KIDINS220: variants seen among roughly 807,000 people sequenced by gnomAD.
The protein encoded by KIDINS220 is kinase D-interacting substrate of 220 kDa.
In KIDINS220, 63 loss-of-function variants were observed where a neutral mutation model predicts 157.6. The ratio of observed to expected loss-of-function variants is 0.40; its 90% confidence interval spans 0.33 to 0.49. KIDINS220 has a LOEUF of 0.49. Ranked by LOEUF, KIDINS220 falls within the 20% of genes least tolerant of loss-of-function variation. KIDINS220 has a pLI of 0.66. For missense variants in KIDINS220, 1,772 were observed against 2,171.2 expected (o/e 0.82, Z 3.65); for synonymous variants, 732 against 783.6 (o/e 0.93, Z 1.10).
chr2:8,739,485 A>G (rs980392007), intron 26 of KIDINS220, among the ~76,000 whole-genome samples: 1 of 152,198 alleles, frequency 6.6e-6, no homozygotes, highest in African/African-American at 2.4e-5. Flanking sequence ...ACATAAGAAA[A>G]TTATTTTGAA....
At chr2:8,775,294 T>C (rs1670813503) in intron 21 of KIDINS220, among the ~76,000 whole-genome samples, 1 of 152,140 alleles carries the variant, frequency 6.6e-6, no homozygotes, top group Non-Finnish European at 1.5e-5. Context: ...GTCACTGGCA[T>C]ATAGATGGCA....
intron 6 of KIDINS220, among the ~76,000 whole-genome samples, chr2:8,811,726 A>G (rs1337312649): frequency 6.6e-6 from 1 of 152,132 alleles, no homozygotes; most frequent in Admixed American, 6.5e-5. Flanking sequence ...AGAAAAAAAG[A>G]TAATTAGGTA....
At chr2:8,770,299 G>C (rs977860514) in intron 22 of KIDINS220, among the ~76,000 whole-genome samples, 2 of 152,132 alleles carry the variant, frequency 1.3e-5, no homozygotes, top group African/African-American at 4.8e-5. Context: ...CTAGCTACTT[G>C]GGAGGCTGAG....
intron 26 of KIDINS220, among the ~76,000 whole-genome samples, chr2:8,746,000 T>C (rs1196044871): frequency 6.6e-6 from 1 of 152,094 alleles, no homozygotes; most frequent in Non-Finnish European, 1.5e-5. Context: ...GTTCTTTTTT[T>C]TTTTTTTGAG....
chr2:8,811,753 T>C (rs1421154715), intron 6 of KIDINS220, among the ~76,000 whole-genome samples: 7 of 151,756 alleles, frequency 4.6e-5, no homozygotes, highest in South Asian at 2.1e-4. Context: ...TATGCAATGA[T>C]TGAGGTAAGT....
In KIDINS220 at chr2:8,786,205, C is replaced by T; in HGVS notation, c.1939+1G>A. On this transcript the variant is annotated splice_donor_variant, in intron 16 of 29. Coordinates refer to ENST00000256707, the MANE Select transcript of KIDINS220 (RefSeq NM_020738.4). LOFTEE classifies it high-confidence loss of function. ...CAAAGAAGGAAGGAAGGAAATCCTA[C>T]CCTGAGTATCTTCAGTCTTGAATAC... is the stretch of plus-strand genomic sequence containing the variant. 1.2e-6 allele frequency: 2 copies of T among 1,614,026 alleles called. No homozygotes were observed. Among genetic ancestry groups the T allele is most frequent in the South Asian group, 2.2e-5 (2 of 91,072 alleles).
At position 8,750,293 on chromosome 2, in the gene KIDINS220, G is replaced by A. The variant is rs753644163; in HGVS notation, c.3233C>T (p.Ala1078Val). The part of the protein sequence containing the change: ...AREQISIGGL[A>V]YPPLPLHEGP... The stretch of plus-strand genomic sequence containing the variant: ...CTCATGTAGAGGGAGCGGGGGGTAC[G>A]CCAGTCCTCCAATACTGATCTGCTC... The change falls in exon 24 of 30, where the codon GCG becomes GTG. Residue 1078 changes from alanine (A) to valine (V), a missense_variant. Ala to Val is a moderately conservative substitution (Grantham distance 64). Around this residue, in one of 3 missense-constraint regions of KIDINS220, gnomAD observed 793 missense variants for 885.5 expected, o/e 0.90. Transcript: ENST00000256707. 5.8e-5 allele frequency: 94 copies of A among 1,612,164 alleles called. No homozygotes were observed. The highest frequency in any genetic ancestry group is 7.5e-5 in the Non-Finnish European group (89 of 1,179,184).
intron 13 of KIDINS220, 133 bp from the exon 14 acceptor site, chr2:8,790,192 G>T: frequency 1.3e-6 from 1 of 749,740 alleles, no homozygotes; most frequent in Non-Finnish European, 2.1e-6. Context: ...ATGGAATACT[G>T]CCACTTAACC....
At chr2:8,824,573 G>A (rs1678466959) in intron 2 of KIDINS220, among the ~76,000 whole-genome samples, 1 of 152,040 alleles carries the variant, frequency 6.6e-6, no homozygotes, top group South Asian at 2.1e-4. Flanking sequence ...CTAGCTACTT[G>A]GAGGGCTGAA....
chr2:8,740,021 G>C, intron 26 of KIDINS220: 1 of 176,328 alleles, frequency 5.7e-6, no homozygotes, highest in Non-Finnish European at 1.1e-5. Context: ...GCCATGCAAT[G>C]GCTGGAAGCA....
chr2:8,802,726 A>G (rs933506636), intron 8 of KIDINS220, among the ~76,000 whole-genome samples: 1 of 152,146 alleles, frequency 6.6e-6, no homozygotes, highest in Non-Finnish European at 1.5e-5. Flanking sequence ...GACATTTTCA[A>G]TAACAACATT....
chr2:8,762,441 A>G (rs1299225336), intron 22 of KIDINS220, among the ~76,000 whole-genome samples: 1 of 152,236 alleles, frequency 6.6e-6, no homozygotes, highest in African/African-American at 2.4e-5. Context: ...AATCAAAAGT[A>G]AAAGAAAACC....
At chr2:8,722,588 A>G (rs970632319), downstream of KIDINS220, 17 of 152,324 alleles carry the variant, frequency 1.1e-4, no homozygotes, top group African/African-American at 3.8e-4. Flanking sequence ...AACCTAAAAA[A>G]CAGATAGCAA....
chr2:8,753,069 A>C (rs1210027224), intron 22 of KIDINS220, among the ~76,000 whole-genome samples: 2 of 152,224 alleles, frequency 1.3e-5, no homozygotes, highest in African/African-American at 4.8e-5. Context: ...TAAGGCAGTA[A>C]GCAAGAACGC....
chr2:8,770,975 T>C (rs1291769296), intron 21 of KIDINS220, 143 bp from the exon 22 acceptor site: 2 of 497,624 alleles, frequency 4.0e-6, no homozygotes, highest in Admixed American at 3.9e-5. Context: ...AGTACTGCCA[T>C]GGCTTCTAAA....
At chr2:8,811,956 A>T (rs1425582717) in intron 6 of KIDINS220, among the ~76,000 whole-genome samples, 1 of 152,156 alleles carries the variant, frequency 6.6e-6, no homozygotes, top group Admixed American at 6.5e-5. Flanking sequence ...CAGTAAGAGA[A>T]GGGGAAAAAG....
chr2:8,730,996 G>C lies in KIDINS220; in HGVS notation c.5040C>G (p.Pro1680=), dbSNP rs199639014. 3 of 1,614,188 alleles carry C rather than the reference G, an allele frequency of 1.9e-6. No homozygotes were observed. In the African/African-American group the frequency reaches 4.0e-5, roughly 22 times the overall value. Residue 1680 remains proline (P), a synonymous_variant, in exon 30 of 30, where the codon CCC becomes CCG. Coordinates refer to ENST00000256707, the MANE Select transcript of KIDINS220 (RefSeq NM_020738.4). ...CQKAYNLNRT[P]STVTLNNNSA... ...TATTGTTGTTCAGAGTCACGGTGCT[G>C]GGAGTTCGGTTCAGGTTGTAGGCTT...
At chr2:8,727,606 GA>G (rs1001178399), downstream of KIDINS220, among the ~76,000 whole-genome samples, 3 of 152,068 alleles carry the variant, frequency 2.0e-5, no homozygotes, top group African/African-American at 7.2e-5. Context: ...GTATTTGTAA[GA>G]AAAAAATCAT....
Position 8,731,327 on chromosome 2 carries a change from T to C in KIDINS220, c.4709A>G (p.Lys1570Arg), listed in dbSNP as rs1490437070. The C allele has an allele frequency of 6.2e-6, 10 of 1,614,086 alleles. No homozygotes were observed. Among genetic ancestry groups the C allele is most frequent in the Non-Finnish European group, 7.6e-6 (9 of 1,180,052 alleles). Residue 1570 changes from lysine (K) to arginine (R), a missense_variant, in exon 30 of 30, where the codon AAA (lysine) becomes AGA (arginine). Around this residue, in one of 3 missense-constraint regions of KIDINS220, gnomAD observed 793 missense variants for 885.5 expected, o/e 0.90. Coordinates refer to ENST00000256707, the MANE Select transcript of KIDINS220 (RefSeq NM_020738.4). This position sits in a 1 kb window ranked among gnomAD's most constrained non-coding sequence, Gnocchi z 5.2. ...AAGGAGCGCATCCGATAAATACTCT[T>C]TGGCTTTAATGAAGGTTCTGATCGG... is the stretch of plus-strand genomic sequence containing the variant. ...AEPIRTFIKA[K>R]EYLSDALLDK...
Sources: gnomAD v4.1 joint callset for allele counts (sites outside exome capture counted in the v4.1 genomes callset) on GRCh38, gnomAD v4.1.1 for gene constraint, gnomAD v4.1.1 regional missense constraint, Gnocchi (gnomAD v3.1) non-coding constraint, MANE v1.5 for transcripts, NCBI Gene and HGNC (gene_info 2026-07-23, HGNC 2026-07-21) for gene names.